The following MAML2 variants were observed in gnomAD, a reference collection of about 807,000 sequenced individuals.
MAML2 encodes the protein mastermind-like protein 2.
A neutral mutation model predicts 96.1 loss-of-function variants in MAML2; 22 were observed. That is an observed-to-expected ratio of 0.23 (90% CI 0.16 to 0.33). The LOEUF (loss-of-function observed/expected upper bound fraction) is 0.33, where lower values mean the gene tolerates loss of function less well. Among genes scored for constraint, MAML2 ranks in the 10% least tolerant of loss-of-function variants. The probability of loss-of-function intolerance (pLI) is 1.00; values close to 1 mark genes in which losing one functional copy is unlikely to be tolerated. For missense variants in MAML2, 1,367 were observed against 1,392.4 expected, an observed-to-expected ratio of 0.98 and a Z score of 0.29; for synonymous variants, 561 against 521.3, an observed-to-expected ratio of 1.08 and a Z score of -1.04.
At chr11:96,047,203 G>A (rs1784669186) in intron 2 of MAML2, among the ~76,000 whole-genome samples, 1 of 152,130 alleles carries the variant, frequency 6.6e-6, no homozygotes, top group Admixed American at 6.5e-5. Flanking sequence ...CATAGGGCTG[G>A]CACTTAATAG....
chr11:96,235,049 T>C (rs1034294331), intron 1 of MAML2, among the ~76,000 whole-genome samples: 1 of 152,168 alleles, frequency 6.6e-6, no homozygotes, highest in African/African-American at 2.4e-5. Flanking sequence ...AAGAAGGCTA[T>C]AAAAAGAGTC....
rs375360354 is a variant in MAML2 at position 95,982,795 on chromosome 11, G to A, written c.2455+2736C>T. Among the ~76,000 whole-genome samples, 40 of 152,166 alleles carry A rather than the reference G, an allele frequency of 2.6e-4. 1 individual carries two copies. The East Asian group carries it at 7.5e-3, about 29-fold the overall frequency. Reference sequence around the variant, plus strand: ...ATGAAGGACTGCATGTATGACAGTGGTCCCATAAGATTATAGTGGAGCTGA... The same window carrying A: ...ATGAAGGACTGCATGTATGACAGTGATCCCATAAGATTATAGTGGAGCTGA... On this transcript the variant is annotated intron_variant, in intron 4 of 4. Coordinates refer to ENST00000524717, the MANE Select transcript of MAML2 (RefSeq NM_032427.4).
At chr11:96,287,651 A>G (rs1246555384) in intron 1 of MAML2, among the ~76,000 whole-genome samples, 1 of 152,242 alleles carries the variant, frequency 6.6e-6, no homozygotes, top group African/African-American at 2.4e-5. Context: ...CATGGTCCCG[A>G]CAGACAATCT....
At chr11:96,190,284 A>C (rs1472817735) in intron 1 of MAML2, among the ~76,000 whole-genome samples, 1 of 152,214 alleles carries the variant, frequency 6.6e-6, no homozygotes, top group Non-Finnish European at 1.5e-5. Flanking sequence ...GAAAGGAAGT[A>C]CTGTTGCAGA....
chr11:95,998,178 A>G (rs6144459), intron 2 of MAML2, among the ~76,000 whole-genome samples: 42,592 of 91,666 alleles, frequency 0.46, 6,337 homozygotes, highest in African/African-American at 0.49. Context: ...CTGTCTGTCT[A>G]TCTATCTATC....
rs1402829136 is a variant in MAML2, at chr11:96,343,056, A to C, written c.-1161T>G. 2.5e-6 allele frequency: 1 copy of C among 397,580 alleles called. No individual in the cohort carries two copies. The highest frequency in any genetic ancestry group is 3.6e-5 in the East Asian group (1 of 28,056). 24.6% of individuals were successfully genotyped at this position (397,580 alleles called of 1,614,324 possible). The stretch of plus-strand genomic sequence containing the variant: ...GTATTTGCTCCGCTTTATAGATGGA[A>C]AAAAAAAGTAGCTTGTATTTTCCTT... On this transcript the variant is annotated 5_prime_UTR_variant, in exon 1 of 5. Coordinates refer to ENST00000524717, the MANE Select transcript of MAML2 (RefSeq NM_032427.4).
chr11:96,181,814 C>A (rs183797457), intron 1 of MAML2, among the ~76,000 whole-genome samples: 1 of 95,582 alleles, frequency 1.0e-5, no homozygotes, highest in Admixed American at 1.1e-4. Context: ...AGCAATAGAA[C>A]GCTTTAGTGA....
In MAML2 at chr11:96,342,192, G is replaced by T; in HGVS notation, c.-297C>A. On this transcript the variant is annotated 5_prime_UTR_variant, in exon 1 of 5. Transcript: ENST00000524717. ...CTGGAGAAGTTGGACAGAGTTGGTG[G>T]ATTTTTTTTCCTCCACCAAGCTGAC... The T allele has an allele frequency of 4.2e-6, 2 of 473,170 alleles. No homozygotes were observed. Among genetic ancestry groups the T allele is most frequent in the South Asian group, 1.0e-4 (2 of 19,904 alleles). The allele number at this position is 473,170 out of a possible 1,614,324, so 29.3% of individuals were successfully genotyped here. A position where few individuals can be genotyped will look rare whatever the true frequency, so the allele number is the denominator to read the frequency against.
chr11:95,989,294 A>G (rs1472264955), intron 3 of MAML2, among the ~76,000 whole-genome samples: 1 of 152,012 alleles, frequency 6.6e-6, no homozygotes, highest in Non-Finnish European at 1.5e-5. Context: ...GACACCCTCA[A>G]TGGTGTCCAA....
intron 1 of MAML2, among the ~76,000 whole-genome samples, chr11:96,130,576 G>A (rs553017665): frequency 7.2e-5 from 11 of 152,206 alleles, no homozygotes; most frequent in East Asian, 3.9e-4. Context: ...TTTTAGTTGC[G>A]TTTAAGAATT....
intron 1 of MAML2, among the ~76,000 whole-genome samples, chr11:96,190,433 G>A (rs993491797): frequency 6.6e-6 from 1 of 152,176 alleles, no homozygotes; most frequent in Admixed American, 6.5e-5. Context: ...AGATGGATTT[G>A]TAATGAGTTA....
chr11:96,232,478 T>G (rs547343288), intron 1 of MAML2, among the ~76,000 whole-genome samples: 1 of 152,144 alleles, frequency 6.6e-6, no homozygotes, highest in East Asian at 1.9e-4. Context: ...GGCATTTTTT[T>G]TTTTTCTTTG....
At chr11:96,317,127 G>C (rs1176328207) in intron 1 of MAML2, among the ~76,000 whole-genome samples, 1 of 152,084 alleles carries the variant, frequency 6.6e-6, no homozygotes, top group Non-Finnish European at 1.5e-5. Flanking sequence ...CACTGAAATG[G>C]TGCCTGTGGA....
At chr11:96,009,887 C>T (rs555233958) in intron 2 of MAML2, among the ~76,000 whole-genome samples, 9 of 152,236 alleles carry the variant, frequency 5.9e-5, no homozygotes, top group Admixed American at 4.6e-4. Context: ...ACAAAAAGGT[C>T]ATGTATTCCT....
rs754025398 is a variant in MAML2 at position 96,341,870 on chromosome 11, G to A, written c.26C>T (p.Ala9Val). The A allele has an allele frequency of 2.6e-6, 4 of 1,538,294 alleles. No homozygotes were observed. Among genetic ancestry groups the A allele is most frequent in the African/African-American group, 1.4e-5 (1 of 73,176 alleles). Residue 9 changes from alanine (A) to valine (V), a missense_variant, in exon 1 of 5, where the codon GCC (alanine) becomes GTC (valine). Physicochemically the swap from Ala to Val is moderately conservative, Grantham distance 64. Transcript: ENST00000524717. The part of the protein sequence containing the change: MGDTAPPQ[A>V]PAGGLGGASG... The stretch of plus-strand genomic sequence containing the variant: ...GGCCCCCCCTAGCCCTCCTGCGGGG[G>A]CCTGCGGGGGCGCTGTGTCCCCCAT...
chr11:96,292,528 TAA>T (rs1863227999), intron 1 of MAML2, among the ~76,000 whole-genome samples: 1 of 152,202 alleles, frequency 6.6e-6, no homozygotes, highest in Admixed American at 6.5e-5. Context: ...TTAAAATTAT[TAA>T]AGTCAAGCAG....
chr11:96,224,073 C>T (rs150419893), intron 1 of MAML2, among the ~76,000 whole-genome samples: 255 of 152,272 alleles, frequency 1.7e-3, no homozygotes, highest in Non-Finnish European at 2.5e-3. Context: ...TTCTGCCACT[C>T]ACTAACAGGG....
intron 1 of MAML2, among the ~76,000 whole-genome samples, chr11:96,219,202 T>C (rs566198542): frequency 1.4e-3 from 207 of 152,336 alleles, no homozygotes; most frequent in African/African-American, 4.9e-3. Flanking sequence ...TGTATTTAGG[T>C]TGAAATCTTT....
In MAML2 at chr11:96,277,143, G is replaced by A. The variant is rs564773023; in HGVS notation, c.513+64240C>T. Among the ~76,000 whole-genome samples, 5 of 152,260 alleles carry A rather than the reference G, an allele frequency of 3.3e-5. No individual in the cohort carries two copies. The South Asian group carries it at 1.0e-3, about 32-fold the overall frequency. On this transcript the variant is annotated intron_variant, in intron 1 of 4. Transcript: ENST00000524717. ...TATAAAAAAGAGAGGAGTCACCCAC[G>A]GAATGTGTTGAGAAAAGGCATGTAG...
Sources: gnomAD v4.1 joint callset for allele counts (sites outside exome capture counted in the v4.1 genomes callset) on GRCh38, gnomAD v4.1.1 for gene constraint, MANE v1.5 for transcripts, NCBI Gene and HGNC (gene_info 2026-07-23, HGNC 2026-07-21) for gene names.